The following FAT2 variants were observed in gnomAD, a reference collection of about 807,000 sequenced individuals.
FAT2 encodes the protein FAT atypical cadherin 2.
Under a neutral mutation model 295.3 loss-of-function variants are expected in FAT2, and 150 were observed. That is an observed-to-expected ratio of 0.51 (90% CI 0.44 to 0.58). The LOEUF (loss-of-function observed/expected upper bound fraction) is 0.58, where lower values mean the gene tolerates loss of function less well. Among genes scored for constraint, FAT2 ranks in the 20% least tolerant of loss-of-function variants. The pLI is 0.00. For synonymous variants in FAT2, 2,026 were observed against 2,150.3 expected (o/e 0.94, Z 1.60); for missense variants, 4,868 against 5,442.7 (o/e 0.89, Z 3.32).
intron 2 of FAT2, among the ~76,000 whole-genome samples, chr5:151,565,368 G>A (rs980240861): frequency 2.0e-5 from 3 of 151,918 alleles, no homozygotes; most frequent in Non-Finnish European, 2.9e-5. Context: ...TGGGGTGATG[G>A]AACATGGGGG....
At chr5:151,513,937 G>C (rs894583274) in intron 20 of FAT2, among the ~76,000 whole-genome samples, 3 of 152,134 alleles carry the variant, frequency 2.0e-5, no homozygotes, top group Non-Finnish European at 4.4e-5. Context: ...AGTGTAAAAA[G>C]TCCTGAAGTC....
intron 5 of FAT2, 65 bp downstream of exon 5, chr5:151,554,297 T>G (rs2127629777): frequency 6.8e-7 from 1 of 1,468,860 alleles, no homozygotes; most frequent in Non-Finnish European, 9.3e-7. Flanking sequence ...TCCTCCTGAA[T>G]TCTCAAAGAA....
At chr5:151,552,315 T>C (rs975800806) in intron 6 of FAT2, among the ~76,000 whole-genome samples, 2 of 151,946 alleles carry the variant, frequency 1.3e-5, no homozygotes, top group African/African-American at 4.8e-5. Flanking sequence ...TTTTAGAGGG[T>C]ACATGCATTA....
rs367815243 is a variant in FAT2, at chr5:151,549,520, G to T, written c.4579-15C>A. 48 of 1,611,490 alleles carry T rather than the reference G, an allele frequency of 3.0e-5. 1 individual carries two copies. The highest frequency in any genetic ancestry group is 1.4e-4 in the South Asian group (13 of 90,974). ...TGGTCTCGGACCTATGGGCCCAAAG[G>T]GGGTAATTGGGTAAGCAGCAAATGG... On this transcript the variant is annotated splice_polypyrimidine_tract_variant and intron_variant, in intron 8 of 23. Coordinates refer to ENST00000261800, the MANE Select transcript of FAT2 (RefSeq NM_001447.3).
At chr5:151,565,405 A>G (rs1284654647) in intron 2 of FAT2, among the ~76,000 whole-genome samples, 1 of 152,122 alleles carries the variant, frequency 6.6e-6, no homozygotes, top group East Asian at 1.9e-4. Flanking sequence ...TTTTATATAA[A>G]AAATTTATAA....
chr5:151,568,468 A>T lies in FAT2; in HGVS notation c.464T>A (p.Val155Asp), dbSNP rs751227536. 6.2e-7 allele frequency: 1 copy of T among 1,613,818 alleles called. No homozygotes were observed. Among genetic ancestry groups the T allele is most frequent in the African/African-American group, 1.3e-5 (1 of 74,842 alleles). ...CAGGGGCATGTCCTCAGAGATGGTG[A>T]CTCTGTACGAAGGTGGAGAGAAGAG... ...KPLFSPPSYR[V>D]TISEDMPLKS... The change falls in exon 2 of 24, where the codon GTC becomes GAC. Residue 155 changes from valine to aspartate, a missense_variant. Around this residue, in one of 5 missense-constraint regions of FAT2, gnomAD observed 3,297 missense variants for 3,669.4 expected, o/e 0.90. Coordinates refer to ENST00000261800, the MANE Select transcript of FAT2 (RefSeq NM_001447.3).
intron 1 of FAT2, among the ~76,000 whole-genome samples, chr5:151,571,974 C>T (rs905567470): frequency 2.0e-5 from 3 of 152,178 alleles, no homozygotes; most frequent in Admixed American, 6.5e-5. Flanking sequence ...AGACCTGCCT[C>T]GGGGCCTTTG....
chr5:151,592,895 C>T (rs1016456756), upstream of FAT2, among the ~76,000 whole-genome samples: 9 of 152,166 alleles, frequency 5.9e-5, no homozygotes, highest in Admixed American at 2.0e-4. Flanking sequence ...TTTGCTGTTT[C>T]CTGGCTCTCA....
At position 151,545,730 on chromosome 5, in the gene FAT2, C is replaced by A. The variant is rs767125570; in HGVS notation, c.5397G>T (p.Leu1799Phe). 3.7e-6 allele frequency: 6 copies of A among 1,613,920 alleles called. No homozygotes were observed. In the East Asian group the frequency reaches 1.1e-4, roughly 30 times the overall value. The change falls in exon 10 of 24, where the codon TTG becomes TTT. Residue 1799 changes from leucine to phenylalanine, a missense_variant. Around this residue, in one of 5 missense-constraint regions of FAT2, gnomAD observed 3,297 missense variants for 3,669.4 expected, o/e 0.90. Coordinates refer to ENST00000261800, the MANE Select transcript of FAT2 (RefSeq NM_001447.3). ...CCGGCTCCAAAATTTTATAGACCAACAAGGAATTAGCTTCTTTGTCACTGT... is the reference window on the plus strand; with the variant it reads ...CCGGCTCCAAAATTTTATAGACCAAAAAGGAATTAGCTTCTTTGTCACTGT... ...ASDSDKEANS[L>F]LVYKILEPEA...
chr5:151,588,621 T>C (rs1428236247), intron 1 of FAT2, among the ~76,000 whole-genome samples: 1 of 152,208 alleles, frequency 6.6e-6, no homozygotes, highest in East Asian at 1.9e-4. Flanking sequence ...TGCCAGGCAC[T>C]GTCCTGGACC....
rs1756387579 is a variant in FAT2 at position 151,543,879 on chromosome 5, G to A, written c.7248C>T (p.Tyr2416=). 5 of 1,614,050 alleles carry A rather than the reference G, an allele frequency of 3.1e-6. No individual in the cohort carries two copies. Among genetic ancestry groups the A allele is most frequent in the Admixed American group, 1.7e-5 (1 of 59,988 alleles). The part of the protein sequence containing the change: ...PDSRDTSRLE[Y]LILSGNQDRH... The stretch of plus-strand genomic sequence containing the variant: ...TGTCCTGATTGCCAGAAAGAATCAG[G>A]TACTCCAGGCGGGAGGTGTCTCTGC... The change falls in exon 10 of 24, where the codon TAC becomes TAT. Residue 2416 remains tyrosine, a synonymous_variant. Coordinates refer to ENST00000261800, the MANE Select transcript of FAT2 (RefSeq NM_001447.3).
At chr5:151,533,574 T>C (rs534370810) in intron 13 of FAT2, among the ~76,000 whole-genome samples, 2 of 152,322 alleles carry the variant, frequency 1.3e-5, no homozygotes, top group South Asian at 4.1e-4. Context: ...TTTACCCTGC[T>C]GGTGTCAAAC....
At chr5:151,572,937 A>G (rs1758591382) in intron 1 of FAT2, among the ~76,000 whole-genome samples, 1 of 152,256 alleles carries the variant, frequency 6.6e-6, no homozygotes, top group Non-Finnish European at 1.5e-5. Flanking sequence ...AGGCCCAGAA[A>G]GAGACCTGCA....
chr5:151,511,842 A>G (rs1412950186), intron 21 of FAT2: 1 of 291,338 alleles, frequency 3.4e-6, no homozygotes, highest in Non-Finnish European at 6.4e-6. Context: ...ATATAAGTTA[A>G]AGGGGAATGA....
At chr5:151,562,814 G>A (rs1048566734) in intron 3 of FAT2, among the ~76,000 whole-genome samples, 3 of 152,182 alleles carry the variant, frequency 2.0e-5, no homozygotes, top group African/African-American at 7.2e-5. Flanking sequence ...CACCATCCTT[G>A]TCCCAGAAGG....
At position 151,507,191 on chromosome 5, in the gene FAT2, C is replaced by T; in HGVS notation, c.12480G>A (p.Glu4160=). 6.2e-7 allele frequency: 1 copy of T among 1,605,364 alleles called. No homozygotes were observed. The highest frequency in any genetic ancestry group is 1.1e-5 in the South Asian group (1 of 89,262). The change falls in exon 23 of 24, where the codon GAG becomes GAA. Residue 4160 remains glutamate (E), a synonymous_variant. Coordinates refer to ENST00000261800, the MANE Select transcript of FAT2 (RefSeq NM_001447.3). ...TGGACCAGGTTCTCTTAATGACAGG[C>T]TCATTGTCAGAGTGGGAAGGGACCG... ...PAAVPSHSDN[E]PVIKRTWSSE...
At chr5:151,552,362 C>T (rs1420758705) in intron 6 of FAT2, among the ~76,000 whole-genome samples, 1 of 152,100 alleles carries the variant, frequency 6.6e-6, no homozygotes, top group African/African-American at 2.4e-5. Context: ...ACAAAACAGC[C>T]GTAAGCCAGA....
intron 3 of FAT2, 113 bp downstream of exon 3, chr5:151,563,212 C>T (rs1243317606): frequency 3.0e-6 from 3 of 1,006,526 alleles, no homozygotes; most frequent in South Asian, 1.5e-5. Context: ...AGGGTGGGGC[C>T]AGAGAATTTG....
rs1486815674 is a variant in FAT2, at chr5:151,544,042, T to G, written c.7085A>C (p.Glu2362Ala). The G allele has an allele frequency of 6.2e-7, 1 of 1,614,200 alleles. No homozygotes were observed. The highest frequency in any genetic ancestry group is 1.1e-5 in the South Asian group (1 of 91,084). ...AGACACATTGACAACCACAAGGGTT[T>G]CACCAGTGAGTGGGGGATCTCCTTT... The part of the protein sequence containing the change: ...MDKGDPPLTG[E>A]TLVVVNVSDI... The change falls in exon 10 of 24, where the codon GAA becomes GCA. Residue 2362 changes from glutamate (E) to alanine (A), a missense_variant. Glu to Ala is a moderately radical substitution (Grantham distance 107). This residue lies in a region of FAT2 where 3,297 missense variants were observed against 3,669.4 expected (regional missense o/e 0.90). Coordinates refer to ENST00000261800, the MANE Select transcript of FAT2 (RefSeq NM_001447.3).
Sources: gnomAD v4.1 joint callset for allele counts (sites outside exome capture counted in the v4.1 genomes callset) on GRCh38, gnomAD v4.1.1 for gene constraint, gnomAD v4.1.1 regional missense constraint, MANE v1.5 for transcripts, NCBI Gene and HGNC (gene_info 2026-07-23, HGNC 2026-07-21) for gene names.